The following MAPK4 variants were observed in gnomAD, a reference collection of about 807,000 sequenced individuals.
The protein encoded by MAPK4 is Erk3-related.
Under a neutral mutation model 47.7 loss-of-function variants are expected in MAPK4, and 22 were observed. That is an observed-to-expected ratio of 0.46 (90% CI 0.33 to 0.66). The LOEUF (loss-of-function observed/expected upper bound fraction) is 0.66, where lower values mean the gene tolerates loss of function less well. MAPK4 is among the 30% of genes least tolerant of loss of function. MAPK4 has a pLI of 0.02. For missense variants in MAPK4, 736 were observed against 831.7 expected (o/e 0.88, Z 1.42); for synonymous variants, 390 against 365.7 (o/e 1.07, Z -0.76).
intron 1 of MAPK4, among the ~76,000 whole-genome samples, chr18:50,639,015 C>T (rs898437911): frequency 3.3e-5 from 5 of 152,182 alleles, no homozygotes; most frequent in African/African-American, 1.2e-4. Context: ...CTTATATGGG[C>T]ACAACCTGGG....
At chr18:50,714,956 AG>A in intron 2 of MAPK4, 122 bp from the exon 3 acceptor site, 1 of 943,512 alleles carries the variant, frequency 1.1e-6, no homozygotes, top group Non-Finnish European at 1.6e-6. Flanking sequence ...TCAATGGGAA[AG>A]GGGCAAGAAT....
At chr18:50,564,905 C>G (rs1392574165) in intron 1 of MAPK4, among the ~76,000 whole-genome samples, 1 of 152,180 alleles carries the variant, frequency 6.6e-6, no homozygotes, top group Non-Finnish European at 1.5e-5. Flanking sequence ...TTGATGGACC[C>G]TCTTTAAGGA....
At position 50,663,209 on chromosome 18, in the gene MAPK4, G is replaced by C. The variant is rs1479480477; in HGVS notation, c.-750G>C. On this transcript the variant is annotated 5_prime_UTR_variant, in exon 2 of 6. Transcript: ENST00000400384. ...AAAGAGGATGCTGCCCACATCCAAA[G>C]GCTCCAGAGGATCCTGGCCTGGCAG... 2 of 152,280 alleles carry C rather than the reference G, an allele frequency of 1.3e-5. No individual in the cohort carries two copies. The highest frequency in any genetic ancestry group is 2.9e-5 in the Non-Finnish European group (2 of 68,090). The allele number at this position is 152,280 out of a possible 1,614,324, so 9.4% of individuals were successfully genotyped here. A position where few individuals can be genotyped will look rare whatever the true frequency, so the allele number is the denominator to read the frequency against.
chr18:50,608,126 A>G (rs1275082588), intron 1 of MAPK4, among the ~76,000 whole-genome samples: 1 of 152,228 alleles, frequency 6.6e-6, no homozygotes, highest in Non-Finnish European at 1.5e-5. Context: ...GTTGGAAACC[A>G]GGATTTACTT....
intron 1 of MAPK4, among the ~76,000 whole-genome samples, chr18:50,588,747 G>T (rs1206052004): frequency 1.3e-5 from 2 of 152,050 alleles, no homozygotes; most frequent in South Asian, 2.1e-4. Context: ...GTAAAGATGG[G>T]GTTTCACCAT....
intron 2 of MAPK4, among the ~76,000 whole-genome samples, chr18:50,709,022 G>C (rs781054086): frequency 3.9e-5 from 6 of 152,140 alleles, no homozygotes; most frequent in Admixed American, 2.0e-4. Flanking sequence ...TCACACATTG[G>C]CTCTCGGCTG....
intron 2 of MAPK4, among the ~76,000 whole-genome samples, chr18:50,697,944 G>C (rs1034554446): frequency 1.3e-5 from 2 of 152,148 alleles, no homozygotes; most frequent in Non-Finnish European, 2.9e-5. Flanking sequence ...CTTATTCCCT[G>C]TCACTCTAGG....
chr18:50,637,123 T>C (rs1330941554), intron 1 of MAPK4, among the ~76,000 whole-genome samples: 1 of 152,156 alleles, frequency 6.6e-6, no homozygotes, highest in Non-Finnish European at 1.5e-5. Context: ...CATCTCTGGG[T>C]CTCACTTCAC....
chr18:50,595,498 G>A (rs564491526), intron 1 of MAPK4, among the ~76,000 whole-genome samples: 3 of 152,316 alleles, frequency 2.0e-5, no homozygotes, highest in South Asian at 2.1e-4. Context: ...AACTAATACA[G>A]AGTGGTAGAA....
chr18:50,714,570 G>A (rs565838517), intron 2 of MAPK4, among the ~76,000 whole-genome samples: 3 of 151,382 alleles, frequency 2.0e-5, no homozygotes, highest in South Asian at 4.1e-4. Context: ...TTCTCAGCAA[G>A]AGCCTGGTGC....
In MAPK4 at chr18:50,715,095, G is replaced by C. The variant is rs763546618; in HGVS notation, c.563G>C (p.Gly188Ala). Residue 188 changes from glycine to alanine, a missense_variant, in exon 3 of 6, where the codon GGG becomes GCG. Around this residue, in one of 3 missense-constraint regions of MAPK4, gnomAD observed 327 missense variants for 395.4 expected, o/e 0.83. Coordinates refer to ENST00000400384, the MANE Select transcript of MAPK4 (RefSeq NM_002747.4). ...HYSHKGYLSE[G>A]LVTKWYRSPR... ...GTCTTTCAGGGTTATCTGTCAGAAG[G>C]GTTGGTAACAAAGTGGTACCGTTCC... is the stretch of plus-strand genomic sequence containing the variant. The C allele has an allele frequency of 6.2e-7, 1 of 1,613,968 alleles. No homozygotes were observed.
intron 1 of MAPK4, among the ~76,000 whole-genome samples, chr18:50,610,791 C>T (rs1354643190): frequency 6.6e-6 from 1 of 152,168 alleles, no homozygotes; most frequent in Non-Finnish European, 1.5e-5. Context: ...GGGCTTCTAT[C>T]ACAGCAAAAA....
At chr18:50,587,946 G>A (rs1337917926) in intron 1 of MAPK4, among the ~76,000 whole-genome samples, 1 of 151,964 alleles carries the variant, frequency 6.6e-6, no homozygotes, top group African/African-American at 2.4e-5. Flanking sequence ...GGCCAGGCTG[G>A]TCTTGAACTC....
intron 1 of MAPK4, among the ~76,000 whole-genome samples, chr18:50,648,372 G>A (rs988813521): frequency 3.4e-4 from 52 of 152,292 alleles, no homozygotes; most frequent in Middle Eastern, 3.4e-3. Flanking sequence ...GGGAAGACAG[G>A]TGCAGGCATG....
chr18:50,706,801 C>CT (rs1910081741), intron 2 of MAPK4, among the ~76,000 whole-genome samples: 1 of 152,174 alleles, frequency 6.6e-6, no homozygotes, highest in African/African-American at 2.4e-5. Flanking sequence ...ATCATCCCTC[C>CT]ACCCACCTCT....
intron 2 of MAPK4, among the ~76,000 whole-genome samples, chr18:50,693,053 C>A (rs986793850): frequency 6.6e-6 from 1 of 152,006 alleles, no homozygotes; most frequent in Non-Finnish European, 1.5e-5. Flanking sequence ...GCCATGAGTT[C>A]GAAACCAGCC....
At chr18:50,605,616 T>C (rs1304858437) in intron 1 of MAPK4, among the ~76,000 whole-genome samples, 2 of 152,214 alleles carry the variant, frequency 1.3e-5, no homozygotes, top group Non-Finnish European at 2.9e-5. Context: ...AGATATTCAG[T>C]TCAGGCCTGA....
intron 1 of MAPK4, among the ~76,000 whole-genome samples, chr18:50,574,677 A>G (rs945042805): frequency 6.6e-6 from 1 of 152,246 alleles, no homozygotes; most frequent in African/African-American, 2.4e-5. Flanking sequence ...AAAACTCTCA[A>G]AAAGAAAAGG....
chr18:50,713,898 A>G (rs945937251), intron 2 of MAPK4, among the ~76,000 whole-genome samples: 1 of 152,158 alleles, frequency 6.6e-6, no homozygotes, highest in Non-Finnish European at 1.5e-5. Context: ...TCCTTCTACC[A>G]GTTTGAGGCT....
Sources: allele counts gnomAD v4.1 joint callset (sites outside exome capture counted in the v4.1 genomes callset), GRCh38; gene constraint gnomAD v4.1.1; regional missense constraint gnomAD v4.1.1; transcripts MANE v1.5; gene names NCBI Gene and HGNC (gene_info 2026-07-23, HGNC 2026-07-21).